Variants in SLC25A48 observed in about 807,000 individuals in gnomAD.
SLC25A48 encodes solute carrier family 25 member 48, also known as CTC-321K16.1.
SLC25A48 carries 29 observed loss-of-function variants against 32.2 expected under a neutral mutation model. The observed-to-expected ratio is 0.90, with a 90% CI of 0.67 to 1.23. The LOEUF (loss-of-function observed/expected upper bound fraction) is 1.23. Among genes scored for constraint, SLC25A48 ranks in the 50% most tolerant of loss-of-function variants. SLC25A48 has a pLI of 0.00. For missense variants in SLC25A48, 399 were observed against 422.7 expected, an observed-to-expected ratio of 0.94 and a Z score of 0.49; for synonymous variants, 164 against 172.3, an observed-to-expected ratio of 0.95 and a Z score of 0.38.
At chr5:135,628,468 A>G (rs751857418) in intron 1 of SLC25A48, among the ~76,000 whole-genome samples, 2 of 152,090 alleles carry the variant, frequency 1.3e-5, no homozygotes, top group Admixed American at 1.3e-4. Flanking sequence ...AGAGGGGAAA[A>G]GGTAAGTTGT....
At chr5:135,664,777 G>C (rs1753483364) in intron 3 of SLC25A48, among the ~76,000 whole-genome samples, 1 of 152,170 alleles carries the variant, frequency 6.6e-6, no homozygotes, top group South Asian at 2.1e-4. Context: ...TGGCTGAGTA[G>C]TATTACATGG....
chr5:135,654,571 A>G (rs1753198212), intron 3 of SLC25A48, among the ~76,000 whole-genome samples: 1 of 152,246 alleles, frequency 6.6e-6, no homozygotes, highest in South Asian at 2.1e-4. Context: ...AACACTGGAC[A>G]TAAAGTGGGC....
At chr5:135,667,325 G>T (rs1452998586) in intron 3 of SLC25A48, among the ~76,000 whole-genome samples, 1 of 152,160 alleles carries the variant, frequency 6.6e-6, no homozygotes, top group Non-Finnish European at 1.5e-5. Context: ...TTGCCTGCGT[G>T]TCCTGCAAAC....
chr5:135,580,965 G>T (rs1046712612), intron 1 of SLC25A48, among the ~76,000 whole-genome samples: 18 of 152,172 alleles, frequency 1.2e-4, no homozygotes, highest in Admixed American at 8.5e-4. Flanking sequence ...TAGTATAATG[G>T]CTAAGAGGCT....
intron 1 of SLC25A48, among the ~76,000 whole-genome samples, chr5:135,616,102 T>C (rs1752185428): frequency 6.6e-6 from 1 of 152,176 alleles, no homozygotes; most frequent in Non-Finnish European, 1.5e-5. Context: ...AGCCTAAATG[T>C]CCAGGCAGAA....
intron 3 of SLC25A48, among the ~76,000 whole-genome samples, chr5:135,724,698 C>T (rs1282608436): frequency 2.6e-5 from 4 of 152,260 alleles, no homozygotes; most frequent in African/African-American, 9.6e-5. Context: ...TAACCTTGGT[C>T]TCTTGACCTA....
chr5:135,652,424 G>C (rs761050144), intron 3 of SLC25A48: 1 of 456,174 alleles, frequency 2.2e-6, no homozygotes, highest in Non-Finnish European at 4.4e-6. Flanking sequence ...CCACCATTAT[G>C]ACATTCTCCA....
chr5:135,710,018 T>C (rs1012949320), intron 3 of SLC25A48, among the ~76,000 whole-genome samples: 2 of 152,204 alleles, frequency 1.3e-5, no homozygotes, highest in Non-Finnish European at 2.9e-5. Flanking sequence ...CACAACATGA[T>C]GACATTGAAC....
intron 3 of SLC25A48, among the ~76,000 whole-genome samples, chr5:135,769,115 A>G (rs1401609669): frequency 6.6e-6 from 1 of 151,534 alleles, no homozygotes; most frequent in African/African-American, 2.4e-5. Context: ...ATATTCAGGC[A>G]GGGGGAAAAT....
chr5:135,671,381 G>C (rs141286773), intron 3 of SLC25A48, among the ~76,000 whole-genome samples: 62 of 152,336 alleles, frequency 4.1e-4, no homozygotes, highest in Middle Eastern at 3.4e-3. Context: ...CCTGGTGTTA[G>C]CCTCTAGGTT....
rs71587590 is a variant in SLC25A48 at position 135,776,004 on chromosome 5, C to G, written c.-520-36519C>G. Reference sequence around the variant, plus strand: ...CAATATCACAGGGGGTTTACACCCTCTTTGTGACATGGTTCCATATATTGT... The same window carrying G: ...CAATATCACAGGGGGTTTACACCCTGTTTGTGACATGGTTCCATATATTGT... On this transcript the variant is annotated intron_variant, in intron 3 of 10. Coordinates refer to the SLC25A48 transcript ENST00000646290. Among the ~76,000 whole-genome samples the G allele has an allele frequency of 9.0e-3, 1,359 of 151,694 alleles. 8 individuals carry two copies. The highest frequency in any genetic ancestry group is 0.013 in the Non-Finnish European group (904 of 67,846).
chr5:135,617,343 C>G (rs1432470586), intron 1 of SLC25A48, among the ~76,000 whole-genome samples: 2 of 151,830 alleles, frequency 1.3e-5, no homozygotes, highest in Non-Finnish European at 2.9e-5. Flanking sequence ...GGGGTCTTCT[C>G]TTTTCTTCTA....
chr5:135,758,425 CTA>C (rs1293278180), intron 3 of SLC25A48, among the ~76,000 whole-genome samples: 2 of 150,708 alleles, frequency 1.3e-5, no homozygotes, highest in African/African-American at 2.4e-5. Flanking sequence ...TATCACATCT[CTA>C]GTTTTAATAT....
chr5:135,787,601 G>A (rs965704614), intron 3 of SLC25A48, among the ~76,000 whole-genome samples: 2 of 151,874 alleles, frequency 1.3e-5, no homozygotes, highest in African/African-American at 4.8e-5. Context: ...TTTTCTAGGG[G>A]GATGTTACTT....
intron 1 of SLC25A48, among the ~76,000 whole-genome samples, chr5:135,590,845 G>A (rs763394822): frequency 2.0e-5 from 3 of 152,250 alleles, no homozygotes; most frequent in Admixed American, 6.5e-5. Context: ...GGCCTACCGT[G>A]TGCTTTACAG....
At chr5:135,718,931 C>A (rs6885029) in intron 3 of SLC25A48, among the ~76,000 whole-genome samples, 62,449 of 152,058 alleles carry the variant, frequency 0.41, 14,185 homozygotes, top group Non-Finnish European at 0.51. Context: ...TGTGAGTACA[C>A]AAAACTATAT....
chr5:135,771,372 A>G (rs1293281685), intron 3 of SLC25A48, among the ~76,000 whole-genome samples: 1 of 151,488 alleles, frequency 6.6e-6, no homozygotes, highest in Non-Finnish European at 1.5e-5. Context: ...TGGGGGATAG[A>G]GTGTATTACT....
chr5:135,828,044 A>T (rs1375716971), intron 4 of SLC25A48, among the ~76,000 whole-genome samples: 1 of 152,258 alleles, frequency 6.6e-6, no homozygotes, highest in African/African-American at 2.4e-5. Context: ...AGAGCCCTGC[A>T]GTAGCCTGTC....
At chr5:135,580,429 A>G (rs1371841779) in intron 1 of SLC25A48, among the ~76,000 whole-genome samples, 2 of 152,174 alleles carry the variant, frequency 1.3e-5, no homozygotes, top group African/African-American at 4.8e-5. Context: ...GGAGGCAAAA[A>G]TGCCCAGAGG....
Sources: allele counts gnomAD v4.1 joint callset (sites outside exome capture counted in the v4.1 genomes callset), GRCh38; gene constraint gnomAD v4.1.1; transcripts MANE v1.5; gene names NCBI Gene and HGNC (gene_info 2026-07-23, HGNC 2026-07-21).